AFF1: variants seen among roughly 807,000 people sequenced by gnomAD.
AFF1 encodes ALF transcription elongation factor 1, also known as AF4/FMR2 family member 1.
A neutral mutation model predicts 121.7 loss-of-function variants in AFF1; 48 were observed. The ratio of observed to expected loss-of-function variants is 0.39; its 90% CI spans 0.31 to 0.50. The LOEUF is 0.50. AFF1 is among the 20% of genes least tolerant of loss of function. The pLI is 0.76. For synonymous variants in AFF1, 613 were observed against 563.0 expected, an observed-to-expected ratio of 1.09 and a Z score of -1.26; for missense variants, 1,523 against 1,511.7, an observed-to-expected ratio of 1.01 and a Z score of -0.12.
chr4:87,117,494 T>C (rs180970056), intron 12 of AFF1, among the ~76,000 whole-genome samples: 21 of 152,158 alleles, frequency 1.4e-4, no homozygotes, highest in African/African-American at 4.3e-4. Context: ...CCAACCCCCA[T>C]TGGTATTTTA....
chr4:87,006,854 T>TGCCTGCCGCTTGCC (rs1211759491), intron 2 of AFF1: 10 of 646,214 alleles, frequency 1.5e-5, no homozygotes, highest in Non-Finnish European at 5.9e-6. Flanking sequence ...TACCCGACCC[T>TGCCTGCCGCTTGCC]GCCTGCCGCT....
At chr4:87,006,943 C>T in intron 2 of AFF1, 1 of 1,024,542 alleles carries the variant, frequency 9.8e-7, no homozygotes, top group Non-Finnish European at 1.2e-6. Flanking sequence ...ACTTTCTTGA[C>T]AGGGGGTATC....
At chr4:86,977,899 A>G (rs1411028877) in intron 2 of AFF1, among the ~76,000 whole-genome samples, 1 of 152,156 alleles carries the variant, frequency 6.6e-6, no homozygotes, top group Non-Finnish European at 1.5e-5. Flanking sequence ...TTCACACACC[A>G]AGTATTTATC....
At chr4:86,965,265 CT>C (rs1217255780) in intron 2 of AFF1, among the ~76,000 whole-genome samples, 1 of 152,176 alleles carries the variant, frequency 6.6e-6, no homozygotes, top group Non-Finnish European at 1.5e-5. Context: ...CTTCATTGAC[CT>C]TTTAAAAACA....
At chr4:87,024,277 G>A (rs575818224) in intron 2 of AFF1, among the ~76,000 whole-genome samples, 18 of 152,306 alleles carry the variant, frequency 1.2e-4, no homozygotes, top group African/African-American at 3.4e-4. Flanking sequence ...ATAGAAAATG[G>A]AATATGGGTG....
intron 2 of AFF1, among the ~76,000 whole-genome samples, chr4:86,974,770 G>A (rs1250738819): frequency 6.6e-6 from 1 of 152,178 alleles, no homozygotes; most frequent in Non-Finnish European, 1.5e-5. Context: ...TTTTGCTCAC[G>A]TTAAGTTAAA....
At chr4:87,058,578 G>A (rs1443617824) in intron 4 of AFF1, among the ~76,000 whole-genome samples, 1 of 151,942 alleles carries the variant, frequency 6.6e-6, no homozygotes, top group Non-Finnish European at 1.5e-5. Flanking sequence ...CACAGAAGGA[G>A]GTGTTCTCAA....
At chr4:86,996,005 C>T (rs1480046401) in intron 2 of AFF1, among the ~76,000 whole-genome samples, 7 of 150,904 alleles carry the variant, frequency 4.6e-5, no homozygotes, top group African/African-American at 1.5e-4. Flanking sequence ...GCAGCCGCCC[C>T]GTCTGAGAAG....
intron 2 of AFF1, among the ~76,000 whole-genome samples, chr4:86,966,365 C>G (rs531571970): frequency 4.0e-4 from 61 of 152,200 alleles, no homozygotes; most frequent in African/African-American, 1.4e-3. Context: ...ACCAAACTTC[C>G]TTTTGTCTTG....
At chr4:87,055,002 G>C (rs893626856) in intron 4 of AFF1, among the ~76,000 whole-genome samples, 1 of 152,116 alleles carries the variant, frequency 6.6e-6, no homozygotes, top group Non-Finnish European at 1.5e-5. Flanking sequence ...GCAATCTTTA[G>C]AGTTTCTCTC....
intron 2 of AFF1, among the ~76,000 whole-genome samples, chr4:87,020,407 A>T (rs1000044620): frequency 2.0e-5 from 3 of 152,190 alleles, no homozygotes; most frequent in Admixed American, 2.0e-4. Flanking sequence ...TCTGCCATGG[A>T]CTAAGAGATG....
At chr4:86,987,514 A>G (rs910740062) in intron 2 of AFF1, among the ~76,000 whole-genome samples, 6 of 152,162 alleles carry the variant, frequency 3.9e-5, no homozygotes, top group African/African-American at 1.4e-4. Flanking sequence ...CTTGGTGGAG[A>G]GCCAACCCTC....
At chr4:87,006,667 C>T (rs1274838135) in intron 2 of AFF1, among the ~76,000 whole-genome samples, 3 of 152,328 alleles carry the variant, frequency 2.0e-5, no homozygotes, top group South Asian at 2.1e-4. Flanking sequence ...CTCTGGGGGC[C>T]CCATATTCAA....
At chr4:87,081,981 CAGAA>C (rs990568449) in intron 4 of AFF1, among the ~76,000 whole-genome samples, 61 of 152,168 alleles carry the variant, frequency 4.0e-4, no homozygotes, top group African/African-American at 1.4e-3. Flanking sequence ...TTATGGAGAT[CAGAA>C]AGAAGTCTTT....
intron 4 of AFF1, among the ~76,000 whole-genome samples, chr4:87,060,303 CAT>C (rs1391363389): frequency 6.6e-6 from 1 of 152,096 alleles, no homozygotes; most frequent in South Asian, 2.1e-4. Flanking sequence ...GCATCTGTCT[CAT>C]ATATAGGTGC....
At chr4:86,977,240 C>G (rs1389650883) in intron 2 of AFF1, among the ~76,000 whole-genome samples, 1 of 152,152 alleles carries the variant, frequency 6.6e-6, no homozygotes, top group African/African-American at 2.4e-5. Context: ...GAAACAGCTA[C>G]TGAGTGACTT....
chr4:87,007,750 T>G (rs932327040), intron 2 of AFF1, among the ~76,000 whole-genome samples: 1 of 152,184 alleles, frequency 6.6e-6, no homozygotes, highest in Admixed American at 6.5e-5. Flanking sequence ...TCCATTTAGA[T>G]TCTTTGTGCG....
intron 2 of AFF1, among the ~76,000 whole-genome samples, chr4:86,965,671 T>TA (rs1722487195): frequency 6.6e-6 from 1 of 152,224 alleles, no homozygotes; most frequent in African/African-American, 2.4e-5. Flanking sequence ...CCTTAAGAGT[T>TA]ACTTGGCTCA....
chr4:87,097,738 T>G (rs931364944), intron 8 of AFF1, among the ~76,000 whole-genome samples: 1 of 151,910 alleles, frequency 6.6e-6, no homozygotes, highest in Non-Finnish European at 1.5e-5. Flanking sequence ...GGGGTAGACG[T>G]GGTGGTATTG....
Sources: allele counts gnomAD v4.1 joint callset (sites outside exome capture counted in the v4.1 genomes callset), GRCh38; gene constraint gnomAD v4.1.1; transcripts MANE v1.5; gene names NCBI Gene and HGNC (gene_info 2026-07-23, HGNC 2026-07-21).